The following GAPVD1 variants were observed in gnomAD, a reference collection of about 807,000 sequenced individuals.
GAPVD1 encodes GTPase-activating protein and VPS9 domain-containing protein 1.
Under a neutral mutation model 155.5 loss-of-function variants are expected in GAPVD1, and 35 were observed. The ratio of observed to expected loss-of-function variants is 0.23; its 90% CI spans 0.17 to 0.30. GAPVD1 has a LOEUF of 0.30. Ranked by LOEUF, GAPVD1 falls within the 10% of genes least tolerant of loss-of-function variation. The probability of loss-of-function intolerance (pLI) is 1.00; values close to 1 mark genes in which losing one functional copy is unlikely to be tolerated. For synonymous variants in GAPVD1, 636 were observed against 619.7 expected, an observed-to-expected ratio of 1.03 and a Z score of -0.39; for missense variants, 1,429 against 1,775.7, an observed-to-expected ratio of 0.80 and a Z score of 3.51.
At chr9:125,358,635 G>A (rs1850465743) in intron 25 of GAPVD1, among the ~76,000 whole-genome samples, 1 of 152,174 alleles carries the variant, frequency 6.6e-6, no homozygotes, top group Non-Finnish European at 1.5e-5. Flanking sequence ...AAGTGGGTTA[G>A]GATCCTTCCA....
chr9:125,266,748 C>A (rs562577488), intron 1 of GAPVD1, among the ~76,000 whole-genome samples: 1 of 151,756 alleles, frequency 6.6e-6, no homozygotes, highest in South Asian at 2.1e-4. Context: ...TTCTGCTGTT[C>A]GTTTTGTTTT....
chr9:125,317,353 C>CGGT (rs1348513420), intron 9 of GAPVD1, among the ~76,000 whole-genome samples: 4 of 150,560 alleles, frequency 2.7e-5, no homozygotes, highest in African/African-American at 9.8e-5. Context: ...GATGGCCGGG[C>CGGT]GGTGGCTCAC....
intron 25 of GAPVD1, among the ~76,000 whole-genome samples, chr9:125,358,341 A>G (rs1023374458): frequency 9.9e-5 from 15 of 152,180 alleles, no homozygotes; most frequent in African/African-American, 2.9e-4. Flanking sequence ...CCTGACCTCA[A>G]GTGATCCACC....
chr9:125,351,045 G>A (rs759081718), intron 23 of GAPVD1, among the ~76,000 whole-genome samples, 173 bp downstream of exon 23: 4 of 152,094 alleles, frequency 2.6e-5, no homozygotes, highest in South Asian at 2.1e-4. Context: ...AGATATACCC[G>A]AGACTAGCCA....
intron 5 of GAPVD1, chr9:125,304,124 C>T (rs1841413762): frequency 6.6e-6 from 1 of 152,168 alleles, no homozygotes; most frequent in African/African-American, 2.4e-5. Context: ...GTGGTGCCAT[C>T]TTAGCTCTCT....
intron 2 of GAPVD1, among the ~76,000 whole-genome samples, chr9:125,279,381 G>T (rs1836350721): frequency 6.6e-6 from 1 of 151,714 alleles, no homozygotes; most frequent in African/African-American, 2.4e-5. Flanking sequence ...GAACAGCCTG[G>T]CCAAATGGTG....
chr9:125,331,816 C>A, intron 13 of GAPVD1, 110 bp from the exon 14 acceptor site: 2 of 910,542 alleles, frequency 2.2e-6, no homozygotes, highest in Non-Finnish European at 3.5e-6. Context: ...CATGTATTTG[C>A]ACTGATTTTA....
chr9:125,287,624 G>C (rs1330198766), intron 2 of GAPVD1: 2 of 152,190 alleles, frequency 1.3e-5, no homozygotes, highest in African/African-American at 4.8e-5. Flanking sequence ...ATTGTGCTTT[G>C]AATATTAAAC....
At chr9:125,340,726 A>G (rs1413503413) in intron 17 of GAPVD1, among the ~76,000 whole-genome samples, 3 of 152,018 alleles carry the variant, frequency 2.0e-5, no homozygotes, top group Non-Finnish European at 4.4e-5. Flanking sequence ...TCAGTTTATT[A>G]ACAGTAATGA....
intron 3 of GAPVD1, among the ~76,000 whole-genome samples, 198 bp from the exon 4 acceptor site, chr9:125,298,692 G>A (rs2130772602): frequency 6.6e-6 from 1 of 151,964 alleles, no homozygotes; most frequent in South Asian, 2.1e-4. Context: ...GTTTCACCAT[G>A]TTGGCCAGGG....
chr9:125,335,113 T>C, intron 15 of GAPVD1: 1 of 697,540 alleles, frequency 1.4e-6, no homozygotes, highest in Non-Finnish European at 2.6e-6. Context: ...ATCCACAATT[T>C]TCTGAAAAGG....
intron 12 of GAPVD1, among the ~76,000 whole-genome samples, chr9:125,329,860 T>C (rs938826462): frequency 2.6e-5 from 4 of 152,156 alleles, no homozygotes; most frequent in African/African-American, 9.7e-5. Flanking sequence ...TTTTGTATTT[T>C]CAGTAGAGAC....
At chr9:125,305,764 T>G (rs1841687493) in intron 6 of GAPVD1, among the ~76,000 whole-genome samples, 1 of 151,810 alleles carries the variant, frequency 6.6e-6, no homozygotes, top group Non-Finnish European at 1.5e-5. Context: ...ATGCAGTCCT[T>G]GCACCTTAGC....
At chr9:125,287,734 T>C (rs1837937288) in intron 2 of GAPVD1, 1 of 152,108 alleles carries the variant, frequency 6.6e-6, no homozygotes, top group African/African-American at 2.4e-5. Context: ...TTTATTTACT[T>C]ATTTTATTTT....
At chr9:125,312,735 G>A (rs1842836213) in intron 9 of GAPVD1, 123 bp downstream of exon 9, 1 of 652,996 alleles carries the variant, frequency 1.5e-6, no homozygotes, top group Non-Finnish European at 2.5e-6. Flanking sequence ...ATTTGTAGAG[G>A]CCAGGAAGTC....
intron 3 of GAPVD1, among the ~76,000 whole-genome samples, chr9:125,295,997 C>T (rs1012377112): frequency 6.6e-6 from 1 of 152,042 alleles, no homozygotes; most frequent in Non-Finnish European, 1.5e-5. Flanking sequence ...AGTATTTTAC[C>T]CCATTTTTTA....
chr9:125,322,633 T>G (rs1844503869), intron 10 of GAPVD1, among the ~76,000 whole-genome samples: 2 of 152,204 alleles, frequency 1.3e-5, no homozygotes, highest in Non-Finnish European at 2.9e-5. Context: ...CATTTCCCTT[T>G]GTAATTTAAC....
chr9:125,334,720 T>C (rs935275454), intron 15 of GAPVD1, among the ~76,000 whole-genome samples: 1 of 151,862 alleles, frequency 6.6e-6, no homozygotes, highest in Non-Finnish European at 1.5e-5. Context: ...GGCAACATGG[T>C]GAGACCTCGT....
intron 2 of GAPVD1, among the ~76,000 whole-genome samples, chr9:125,269,710 CTTTTTTTT>C (rs951306489): frequency 5.7e-5 from 3 of 52,686 alleles, no homozygotes; most frequent in East Asian, 4.4e-4. Flanking sequence ...CCATGCCTGG[CTTTTTTTT>C]TTTTTTTTTT....
Sources: gnomAD v4.1 joint callset for allele counts (sites outside exome capture counted in the v4.1 genomes callset) on GRCh38, gnomAD v4.1.1 for gene constraint, MANE v1.5 for transcripts, NCBI Gene and HGNC (gene_info 2026-07-23, HGNC 2026-07-21) for gene names.